OSBPL8: variants seen among roughly 807,000 people sequenced by gnomAD.
The protein encoded by OSBPL8 is oxysterol binding protein like 8.
Under a neutral mutation model 125.5 loss-of-function variants are expected in OSBPL8, and 59 were observed. The ratio of observed to expected loss-of-function variants is 0.47; its 90% CI spans 0.38 to 0.58. OSBPL8 has a LOEUF of 0.58. Among genes scored for constraint, OSBPL8 ranks in the 20% least tolerant of loss-of-function variants. OSBPL8 has a pLI of 0.00. For missense variants in OSBPL8, 758 were observed against 1,047.8 expected, an observed-to-expected ratio of 0.72 and a Z score of 3.82; for synonymous variants, 330 against 338.9, an observed-to-expected ratio of 0.97 and a Z score of 0.29.
At chr12:76,538,207 C>A (rs1266723851) in intron 1 of OSBPL8, among the ~76,000 whole-genome samples, 1 of 152,094 alleles carries the variant, frequency 6.6e-6, no homozygotes, top group African/African-American at 2.4e-5. Context: ...TCAATGTAGT[C>A]ACTAAAATAT....
intron 2 of OSBPL8, among the ~76,000 whole-genome samples, chr12:76,479,659 C>T (rs980622173): frequency 6.6e-6 from 1 of 152,134 alleles, no homozygotes; most frequent in African/African-American, 2.4e-5. Flanking sequence ...GCCTCTAATT[C>T]TAACAACCAA....
chr12:76,358,836 T>C, intron 21 of OSBPL8, 25 bp from the exon 22 acceptor site: 2 of 1,585,578 alleles, frequency 1.3e-6, no homozygotes, highest in Non-Finnish European at 8.7e-7. Context: ...AACTATTTTG[T>C]GAATTTGCAC....
intron 8 of OSBPL8, among the ~76,000 whole-genome samples, chr12:76,396,342 G>C (rs1953803307): frequency 6.6e-6 from 1 of 152,158 alleles, no homozygotes. Flanking sequence ...AAGAAAAAAG[G>C]ATTAAGCTAC....
intron 21 of OSBPL8, among the ~76,000 whole-genome samples, chr12:76,363,188 T>C (rs1157769590): frequency 6.6e-6 from 1 of 152,138 alleles, no homozygotes; most frequent in Non-Finnish European, 1.5e-5. Context: ...CTACTTTAAA[T>C]TTCACATGGA....
At chr12:76,534,265 C>T (rs1042109872) in intron 1 of OSBPL8, 7 of 152,098 alleles carry the variant, frequency 4.6e-5, no homozygotes, top group African/African-American at 1.7e-4. Flanking sequence ...CTGCTTCAGG[C>T]AAGGATAGGA....
intron 1 of OSBPL8, among the ~76,000 whole-genome samples, chr12:76,545,287 T>C (rs1056596856): frequency 1.3e-5 from 2 of 152,200 alleles, no homozygotes; most frequent in Non-Finnish European, 2.9e-5. Flanking sequence ...ACTACCCTGA[T>C]TCTATGTAAA....
chr12:76,392,715 T>C lies in OSBPL8; in HGVS notation c.795A>G (p.Lys265=), dbSNP rs146941033. The C allele has an allele frequency of 1.2e-6, 2 of 1,613,672 alleles. No individual in the cohort carries two copies. Among genetic ancestry groups the C allele is most frequent in the South Asian group, 1.1e-5 (1 of 91,046 alleles). ...TTGTACGTTTAAGAAGACTAGAACATTTCAAAGCCAACTCCAAAGCATCCA... is the reference window on the plus strand; with the variant it reads ...TTGTACGTTTAAGAAGACTAGAACACTTCAAAGCCAACTCCAAAGCATCCA... ...CWMDALELAL[K]CSSLLKRTMI... Residue 265 remains lysine (K), a synonymous_variant, in exon 10 of 24, where the codon AAA becomes AAG. Coordinates refer to ENST00000261183, the MANE Select transcript of OSBPL8 (RefSeq NM_020841.5).
intron 1 of OSBPL8, among the ~76,000 whole-genome samples, chr12:76,546,020 C>T (rs1950773017): frequency 6.6e-6 from 1 of 152,060 alleles, no homozygotes; most frequent in African/African-American, 2.4e-5. Flanking sequence ...ACACTGGATT[C>T]GTAAGATGTT....
intron 9 of OSBPL8, among the ~76,000 whole-genome samples, chr12:76,393,157 C>T (rs1166688332): frequency 6.6e-6 from 1 of 152,190 alleles, no homozygotes; most frequent in Non-Finnish European, 1.5e-5. Context: ...TCAAGATTAA[C>T]AACCATTCTA....
chr12:76,397,299 G>T (rs1168309516), intron 8 of OSBPL8, among the ~76,000 whole-genome samples: 4 of 116,844 alleles, frequency 3.4e-5, no homozygotes, highest in Non-Finnish European at 6.5e-5. Flanking sequence ...CTGTTCCAGG[G>T]AATCCTACTT....
chr12:76,415,738 T>C (rs1868566787), intron 4 of OSBPL8, among the ~76,000 whole-genome samples: 1 of 152,218 alleles, frequency 6.6e-6, no homozygotes. Flanking sequence ...TTATATCTCT[T>C]TATTTTTGAT....
chr12:76,509,920 C>T (rs1018852232), intron 1 of OSBPL8, among the ~76,000 whole-genome samples: 1 of 152,196 alleles, frequency 6.6e-6, no homozygotes, highest in African/African-American at 2.4e-5. Context: ...AAAATCTAGA[C>T]AACTCCCTTG....
At chr12:76,482,851 T>C (rs375520786) in intron 2 of OSBPL8, among the ~76,000 whole-genome samples, 2 of 152,228 alleles carry the variant, frequency 1.3e-5, no homozygotes, top group Admixed American at 1.3e-4. Context: ...GTACCACATA[T>C]AGAAAGATAG....
At chr12:76,481,967 A>G (rs189559963) in intron 2 of OSBPL8, among the ~76,000 whole-genome samples, 1 of 152,362 alleles carries the variant, frequency 6.6e-6, no homozygotes, top group African/African-American at 2.4e-5. Flanking sequence ...TAAATTATGA[A>G]TAACTCACCT....
At chr12:76,432,847 T>A (rs967835075) in intron 4 of OSBPL8, among the ~76,000 whole-genome samples, 3 of 151,998 alleles carry the variant, frequency 2.0e-5, no homozygotes, top group Non-Finnish European at 2.9e-5. Flanking sequence ...ACTATACACA[T>A]GATGTATACT....
At chr12:76,361,477 A>G (rs1329866716) in intron 21 of OSBPL8, among the ~76,000 whole-genome samples, 1 of 152,178 alleles carries the variant, frequency 6.6e-6, no homozygotes, top group East Asian at 1.9e-4. Context: ...AAACTGTTGC[A>G]ACCTCTGCCT....
At chr12:76,454,419 C>T (rs957718440) in intron 3 of OSBPL8, among the ~76,000 whole-genome samples, 9 of 152,186 alleles carry the variant, frequency 5.9e-5, no homozygotes, top group South Asian at 2.1e-4. Context: ...CCAGGCACAA[C>T]GGCTTGCATC....
intron 8 of OSBPL8, among the ~76,000 whole-genome samples, chr12:76,394,990 A>C (rs1346372845): frequency 6.6e-6 from 1 of 152,166 alleles, no homozygotes; most frequent in African/African-American, 2.4e-5. Flanking sequence ...TTACATACTA[A>C]AGAGAACCTA....
chr12:76,455,474 T>C (rs573044802), intron 3 of OSBPL8, among the ~76,000 whole-genome samples: 6 of 152,354 alleles, frequency 3.9e-5, no homozygotes, highest in East Asian at 1.9e-4. Flanking sequence ...TAGGTGTCCA[T>C]GTCTTGAATA....
Sources: allele counts gnomAD v4.1 joint callset (sites outside exome capture counted in the v4.1 genomes callset), GRCh38; gene constraint gnomAD v4.1.1; transcripts MANE v1.5; gene names NCBI Gene and HGNC (gene_info 2026-07-23, HGNC 2026-07-21).